The following PLCB1 variants were observed in gnomAD, a reference collection of about 807,000 sequenced individuals.
The protein encoded by PLCB1 is phospholipase C beta 1.
In PLCB1, 46 loss-of-function variants were observed where a neutral mutation model predicts 161.8. The ratio of observed to expected loss-of-function variants is 0.28; its 90% confidence interval spans 0.22 to 0.36. PLCB1 has a LOEUF of 0.36. Among genes scored for constraint, PLCB1 ranks in the 10% least tolerant of loss-of-function variants. The probability of loss-of-function intolerance (pLI) is 1.00; values close to 1 mark genes in which losing one functional copy is unlikely to be tolerated. For synonymous variants in PLCB1, 517 were observed against 503.7 expected (o/e 1.03, Z -0.35); for missense variants, 1,016 against 1,472.5 (o/e 0.69, Z 5.07).
chr20:8,321,122 C>T (rs1356268516), intron 2 of PLCB1, among the ~76,000 whole-genome samples: 2 of 152,126 alleles, frequency 1.3e-5, no homozygotes, highest in African/African-American at 2.4e-5. Context: ...TGTTAGCAAA[C>T]ATAATTGAAA....
intron 26 of PLCB1, among the ~76,000 whole-genome samples, chr20:8,767,621 G>A (rs922377940): frequency 3.9e-5 from 6 of 151,984 alleles, no homozygotes; most frequent in African/African-American, 7.3e-5. Context: ...AGTGTCACCC[G>A]CTCTCAGAAC....
intron 1 of PLCB1, among the ~76,000 whole-genome samples, chr20:8,133,729 A>C (rs548557388): frequency 5.9e-5 from 9 of 152,332 alleles, no homozygotes; most frequent in African/African-American, 2.2e-4. Context: ...CGATAAGAAA[A>C]ACCTACTGAA....
chr20:8,862,509 G>T (rs1319077197), intron 31 of PLCB1, among the ~76,000 whole-genome samples: 1 of 152,178 alleles, frequency 6.6e-6, no homozygotes, highest in African/African-American at 2.4e-5. Context: ...ATTGGCTATG[G>T]TTAGAGTCAG....
intron 2 of PLCB1, among the ~76,000 whole-genome samples, chr20:8,176,138 G>A (rs1414933648): frequency 6.6e-6 from 1 of 152,116 alleles, no homozygotes; most frequent in African/African-American, 2.4e-5. Context: ...GTATTATGAA[G>A]CGTTGATCCC....
intron 15 of PLCB1, among the ~76,000 whole-genome samples, chr20:8,723,091 G>A (rs1000553007): frequency 2.6e-5 from 4 of 152,106 alleles, no homozygotes; most frequent in African/African-American, 9.7e-5. Context: ...CTGTCTCAAC[G>A]CTTGTAGCTC....
chr20:8,381,338 G>A (rs1231327643), intron 3 of PLCB1, among the ~76,000 whole-genome samples: 4 of 152,182 alleles, frequency 2.6e-5, no homozygotes, highest in Non-Finnish European at 4.4e-5. Context: ...GCTGGATTTA[G>A]TTTGCAGTAT....
At chr20:8,196,184 A>G (rs548518077) in intron 2 of PLCB1, among the ~76,000 whole-genome samples, 26 of 152,232 alleles carry the variant, frequency 1.7e-4, no homozygotes, top group Non-Finnish European at 3.4e-4. Flanking sequence ...CTGGATGGGG[A>G]CACAGAACCA....
intron 3 of PLCB1, among the ~76,000 whole-genome samples, chr20:8,446,956 A>G (rs977387381): frequency 6.6e-6 from 1 of 152,204 alleles, no homozygotes; most frequent in East Asian, 1.9e-4. Flanking sequence ...AATATCATCA[A>G]GGTTCAAAGA....
At chr20:8,297,582 T>C (rs1983697262) in intron 2 of PLCB1, among the ~76,000 whole-genome samples, 1 of 152,168 alleles carries the variant, frequency 6.6e-6, no homozygotes. Context: ...ATAATCGTTA[T>C]AACCACTGAG....
chr20:8,663,377 AAGAT>A, intron 9 of PLCB1, among the ~76,000 whole-genome samples: 1 of 152,214 alleles, frequency 6.6e-6, no homozygotes, highest in Middle Eastern at 3.4e-3. Context: ...TTTTACATAA[AAGAT>A]AGACTTGAAA....
intron 25 of PLCB1, among the ~76,000 whole-genome samples, chr20:8,761,978 G>C (rs6118311): frequency 2.0e-5 from 3 of 151,226 alleles, no homozygotes; most frequent in Non-Finnish European, 3.0e-5. Context: ...GGAGGCCAAG[G>C]GGGGGGCGGA....
intron 1 of PLCB1, among the ~76,000 whole-genome samples, chr20:8,145,017 G>T (rs2051439633): frequency 6.6e-6 from 1 of 152,192 alleles, no homozygotes. Flanking sequence ...CCCTTGACAT[G>T]AGCCTTGAGG....
At chr20:8,575,490 C>A (rs577257520) in intron 3 of PLCB1, among the ~76,000 whole-genome samples, 119 of 152,298 alleles carry the variant, frequency 7.8e-4, no homozygotes, top group Middle Eastern at 3.4e-3. Flanking sequence ...GAGCATCATG[C>A]GAAGTGGACA....
chr20:8,823,885 G>C (rs183529628), intron 31 of PLCB1, among the ~76,000 whole-genome samples: 86 of 151,734 alleles, frequency 5.7e-4, no homozygotes, highest in African/African-American at 1.8e-3. Context: ...CATATCACAA[G>C]GTCATTACAA....
rs746884664 is a variant in PLCB1 at position 8,684,936 on chromosome 20, A to G, written c.867A>G (p.Gln289=). The change falls in exon 10 of 32, where the codon CAA becomes CAG. Residue 289 remains glutamine, a synonymous_variant. Transcript: ENST00000338037. The part of the protein sequence containing the change: ...EPNNSLARKG[Q]ISVDGFMRYL... Reference sequence around the variant, plus strand: ...TTCTAACTTCATTTCCTCCAGGACAAATATCAGTGGATGGGTTCATGCGCT... The same window carrying G: ...TTCTAACTTCATTTCCTCCAGGACAGATATCAGTGGATGGGTTCATGCGCT... 3.7e-6 allele frequency: 6 copies of G among 1,612,956 alleles called. No individual in the cohort carries two copies. The highest frequency in any genetic ancestry group is 4.2e-6 in the Non-Finnish European group (5 of 1,179,200).
intron 3 of PLCB1, among the ~76,000 whole-genome samples, chr20:8,475,228 T>C (rs1982223439): frequency 6.6e-6 from 1 of 152,166 alleles, no homozygotes; most frequent in Non-Finnish European, 1.5e-5. Context: ...TATTCATTTG[T>C]TCAAAAGCCA....
intron 2 of PLCB1, among the ~76,000 whole-genome samples, chr20:8,327,598 C>T (rs1385154700): frequency 6.6e-6 from 1 of 152,174 alleles, no homozygotes; most frequent in Admixed American, 6.5e-5. Flanking sequence ...AAGGCCTCTA[C>T]CATAGAAGGC....
At chr20:8,363,599 A>C (rs1213249528) in intron 2 of PLCB1, among the ~76,000 whole-genome samples, 19 of 152,178 alleles carry the variant, frequency 1.2e-4, no homozygotes, top group Admixed American at 5.2e-4. Flanking sequence ...GCTGTATTAC[A>C]TAACATAATG....
intron 2 of PLCB1, among the ~76,000 whole-genome samples, chr20:8,157,327 G>A (rs1490052500): frequency 6.6e-6 from 1 of 152,152 alleles, no homozygotes; most frequent in Non-Finnish European, 1.5e-5. Context: ...ACACAATCAT[G>A]GTTGCCTATG....
Sources: allele counts gnomAD v4.1 joint callset (sites outside exome capture counted in the v4.1 genomes callset), GRCh38; gene constraint gnomAD v4.1.1; transcripts MANE v1.5; gene names NCBI Gene and HGNC (gene_info 2026-07-23, HGNC 2026-07-21).